POU2F2: variants seen among roughly 807,000 people sequenced by gnomAD.
POU2F2 encodes POU class 2 homeobox 2.
A neutral mutation model predicts 63.5 loss-of-function variants in POU2F2; 14 were observed. The ratio of observed to expected loss-of-function variants is 0.22; its 90% CI spans 0.15 to 0.34. The LOEUF (loss-of-function observed/expected upper bound fraction) is 0.34. Ranked by LOEUF, POU2F2 falls within the 10% of genes least tolerant of loss-of-function variation. POU2F2 has a pLI of 1.00. For synonymous variants in POU2F2, 306 were observed against 348.6 expected, an observed-to-expected ratio of 0.88 and a Z score of 1.36; for missense variants, 607 against 815.2, an observed-to-expected ratio of 0.74 and a Z score of 3.11.
At chr19:42,132,494 C>G, upstream of POU2F2, 1 of 1,331,892 alleles carries the variant, frequency 7.5e-7, no homozygotes, top group Non-Finnish European at 9.9e-7. Flanking sequence ...TGCCGGAAGT[C>G]ACTCAGGGAG....
At position 42,096,859 on chromosome 19, in the gene POU2F2, G is replaced by A. The variant is rs868800165; in HGVS notation, c.568-616C>T. Among the ~76,000 whole-genome samples, 8 of 152,330 alleles carry A rather than the reference G, an allele frequency of 5.3e-5. No individual in the cohort carries two copies. In the South Asian group the frequency reaches 1.7e-3, roughly 32 times the overall value. On this transcript the variant is annotated intron_variant, in intron 7 of 14. Transcript: ENST00000692977. The surrounding 1 kb of genome is among the most constrained non-coding windows in gnomAD (Gnocchi z 4.1). ...TTGTACCACTCTGGTTGGGGATGTA[G>A]ATGATGCAGGAAGCTGTGCATGTGT...
At position 42,194,758 on chromosome 19, in the gene POU2F2, C is replaced by CAAAA. The variant is rs71167389; in HGVS notation, c.-70+1621_-70+1624dup. 9.2e-5 allele frequency among the ~76,000 whole-genome samples: 2 copies of CAAAA among 21,742 alleles called. 1 individual carries two copies. Among genetic ancestry groups the CAAAA allele is most frequent in the African/African-American group, 4.3e-4 (2 of 4,632 alleles). 14.3% of individuals were successfully genotyped at this position (21,742 alleles called of 152,430 possible). On this transcript the variant is annotated intron_variant, in intron 1 of 5. Transcript: ENST00000532176. ...TGGGCAACAGAGTGAGACTCTGTCT[C>CAAAA]AAAAAAAAAAAAAAAAAAAAAAAAA... is the stretch of plus-strand genomic sequence containing the variant.
chr19:42,091,596 C>A lies in POU2F2; in HGVS notation c.1541-5G>T. ...GGGTTCCACCAGAGGCCAGGGCTGG[C>A]GGGGAGAGAGAGAGGCTGGGCTAAG... On this transcript the variant is annotated splice_region_variant and splice_polypyrimidine_tract_variant and intron_variant, in intron 14 of 14. Coordinates refer to ENST00000692977, the MANE Select transcript of POU2F2 (RefSeq NM_001394376.1). 6.5e-7 allele frequency: 1 copy of A among 1,544,486 alleles called. No individual in the cohort carries two copies. Among genetic ancestry groups the A allele is most frequent in the East Asian group, 2.4e-5 (1 of 41,832 alleles).
chr19:42,137,674 T>C (rs1209190532), intron 2 of POU2F2, among the ~76,000 whole-genome samples: 3 of 151,670 alleles, frequency 2.0e-5, no homozygotes. Context: ...GCTACGATCA[T>C]GCCACTGCAC....
Position 42,091,936 on chromosome 19 carries a change from T to G in POU2F2, c.1471A>C (p.Thr491Pro). 1.3e-6 allele frequency: 2 copies of G among 1,541,962 alleles called. No homozygotes were observed. The highest frequency in any genetic ancestry group is 1.7e-6 in the Non-Finnish European group (2 of 1,145,350). The change falls in exon 14 of 15, where the codon ACA (threonine) becomes CCA (proline). Residue 491 changes from threonine to proline, a missense_variant. Around this residue, in one of 7 missense-constraint regions of POU2F2, gnomAD observed 270 missense variants for 307.5 expected, o/e 0.88. Coordinates refer to ENST00000692977, the MANE Select transcript of POU2F2 (RefSeq NM_001394376.1). ...LSGLNPSTGS[T>P]MVGLSSGLSP... The stretch of plus-strand genomic sequence containing the variant: ...AGCCCGGAGCTCAACCCCACCATTG[T>G]GCTTCTGCAAGAGGCAAAGCAGAGG...
intron 1 of POU2F2, among the ~76,000 whole-genome samples, chr19:42,163,681 C>A (rs564890753): frequency 3.3e-4 from 51 of 152,284 alleles, no homozygotes; most frequent in Non-Finnish European, 4.1e-4. Flanking sequence ...TCCCCGGCTC[C>A]CCTCTGACTG....
chr19:42,151,057 C>G (rs141244775), intron 2 of POU2F2, among the ~76,000 whole-genome samples: 4,319 of 152,350 alleles, frequency 0.028, 89 homozygotes, highest in Middle Eastern at 0.062. Context: ...TCCCCTCCCC[C>G]CTACCTGGCC....
chr19:42,172,809 C>T (rs1466452467), intron 1 of POU2F2, among the ~76,000 whole-genome samples: 1 of 152,168 alleles, frequency 6.6e-6, no homozygotes, highest in African/African-American at 2.4e-5. Flanking sequence ...TCCATCCACC[C>T]GACAGGTCCT....
intron 1 of POU2F2, among the ~76,000 whole-genome samples, chr19:42,171,431 CGT>C (rs71336804): frequency 0.049 from 6,816 of 138,148 alleles, 148 homozygotes; most frequent in East Asian, 0.078. Flanking sequence ...GGCTGCGCTT[CGT>C]GTGTGTGTGT....
intron 1 of POU2F2, among the ~76,000 whole-genome samples, chr19:42,182,087 A>G (rs2034967244): frequency 6.6e-6 from 1 of 152,034 alleles, no homozygotes; most frequent in African/African-American, 2.4e-5. Flanking sequence ...GGGGAGAAGG[A>G]AAAAAGTGGT....
chr19:42,116,050 CAGAG>C (rs954698392), intron 5 of POU2F2, among the ~76,000 whole-genome samples: 16 of 152,296 alleles, frequency 1.1e-4, no homozygotes, highest in African/African-American at 3.9e-4. Context: ...TGGGAGGCTT[CAGAG>C]AGAGCACGGC....
At chr19:42,144,261 G>A (rs2146760550) in intron 2 of POU2F2, among the ~76,000 whole-genome samples, 1 of 152,306 alleles carries the variant, frequency 6.6e-6, no homozygotes, top group African/African-American at 2.4e-5. Context: ...CCTCTTCACT[G>A]CTGTGTCTCC....
At chr19:42,195,902 C>T (rs1292117481) in intron 1 of POU2F2, among the ~76,000 whole-genome samples, 1 of 151,850 alleles carries the variant, frequency 6.6e-6, no homozygotes, top group Non-Finnish European at 1.5e-5. Flanking sequence ...GCTTCAGCCT[C>T]CCTGGCAGTT....
In POU2F2 at chr19:42,092,652, G is replaced by C. The variant is rs1214278657; in HGVS notation, c.1265-382C>G. Among the ~76,000 whole-genome samples the C allele has an allele frequency of 2.6e-5, 4 of 151,992 alleles. No homozygotes were observed. The highest frequency in any genetic ancestry group is 4.2e-4 in the South Asian group (2 of 4,806). ...ATCTGAGGGATGGGCAACCTGGCAG[G>C]GGCTGAGGGCCCAGACTCAGCCAGA... is the stretch of plus-strand genomic sequence containing the variant. On this transcript the variant is annotated intron_variant, in intron 12 of 14. Coordinates refer to ENST00000692977, the MANE Select transcript of POU2F2 (RefSeq NM_001394376.1). This position sits in a 1 kb window ranked among gnomAD's most constrained non-coding sequence, Gnocchi z 5.0.
At chr19:42,195,991 G>A (rs1395941262) in intron 1 of POU2F2, among the ~76,000 whole-genome samples, 1 of 152,094 alleles carries the variant, frequency 6.6e-6, no homozygotes, top group Non-Finnish European at 1.5e-5. Flanking sequence ...TGTTGGCCAG[G>A]CTGGTCTCGA....
chr19:42,143,843 C>G (rs1372709934), intron 2 of POU2F2, among the ~76,000 whole-genome samples: 2 of 152,190 alleles, frequency 1.3e-5, no homozygotes, highest in East Asian at 3.8e-4. Flanking sequence ...TTAAACACCC[C>G]CTCCACAGAG....
chr19:42,145,431 C>T (rs530251020), intron 2 of POU2F2, among the ~76,000 whole-genome samples: 1 of 152,322 alleles, frequency 6.6e-6, no homozygotes, highest in Non-Finnish European at 1.5e-5. Flanking sequence ...ACAGAAGGTG[C>T]TCTACATTGA....
intron 5 of POU2F2, among the ~76,000 whole-genome samples, chr19:42,101,867 C>T (rs2077154486): frequency 6.6e-6 from 1 of 151,384 alleles, no homozygotes; most frequent in South Asian, 2.1e-4. Context: ...ATCCCAGCTG[C>T]TTGGGAGGCT....
chr19:42,095,538 G>A lies in POU2F2; in HGVS notation c.1020+7C>T, dbSNP rs1568978134. Reference sequence around the variant, plus strand: ...GGTGAGGGCCACCCAGGAGAGGGGGGCCTCACCGCTAGAAAACTCTTCTCT... The same window carrying A: ...GGTGAGGGCCACCCAGGAGAGGGGGACCTCACCGCTAGAAAACTCTTCTCT... On this transcript the variant is annotated splice_region_variant and intron_variant, in intron 10 of 14. Transcript: ENST00000692977. This position sits in a 1 kb window ranked among gnomAD's most constrained non-coding sequence, Gnocchi z 7.1. 1.2e-6 allele frequency: 2 copies of A among 1,600,432 alleles called. No homozygotes were observed. Among genetic ancestry groups the A allele is most frequent in the East Asian group, 2.2e-5 (1 of 44,638 alleles).
Sources: gnomAD v4.1 joint callset for allele counts (sites outside exome capture counted in the v4.1 genomes callset) on GRCh38, gnomAD v4.1.1 for gene constraint, gnomAD v4.1.1 regional missense constraint, Gnocchi (gnomAD v3.1) non-coding constraint, MANE v1.5 for transcripts, NCBI Gene and HGNC (gene_info 2026-07-23, HGNC 2026-07-21) for gene names.